The following COL16A1 variants were observed in gnomAD, a reference collection of about 807,000 sequenced individuals.
COL16A1 encodes collagen alpha-1(XVI) chain.
A neutral mutation model predicts 266.3 loss-of-function variants in COL16A1; 189 were observed. That is an observed-to-expected ratio of 0.71 (90% CI 0.63 to 0.80). COL16A1 has a LOEUF of 0.80. Among genes scored for constraint, COL16A1 ranks in the 30% least tolerant of loss-of-function variants. COL16A1 has a pLI of 0.00. For synonymous variants in COL16A1, 740 were observed against 782.3 expected (o/e 0.95, Z 0.90); for missense variants, 1,928 against 2,122.4 (o/e 0.91, Z 1.80).
In COL16A1 at chr1:31,664,514, C is replaced by G. The variant is rs989373222; in HGVS notation, c.3555+658G>C. Among the ~76,000 whole-genome samples, 1 of 152,204 alleles carries G rather than the reference C, an allele frequency of 6.6e-6. No individual in the cohort carries two copies. The highest frequency in any genetic ancestry group is 2.4e-5 in the African/African-American group (1 of 41,452). On this transcript the variant is annotated intron_variant, in intron 56 of 70. Transcript: ENST00000373672. This position sits in a 1 kb window ranked among gnomAD's most constrained non-coding sequence, Gnocchi z 5.5. ...ATCTTCGGGCTTCTTACACCACCCA[C>G]TCAGCACATCTAGGGAGCCCAGAGG... is the stretch of plus-strand genomic sequence containing the variant.
At chr1:31,682,913 T>A (rs1234106171) in intron 37 of COL16A1, 21 bp downstream of exon 37, 2 of 1,613,618 alleles carry the variant, frequency 1.2e-6, no homozygotes, top group Non-Finnish European at 1.7e-6. Flanking sequence ...ACCACCAGCA[T>A]GGAGCACAGA....
chr1:31,672,946 C>G (rs1444965521), intron 44 of COL16A1, 106 bp from the exon 45 acceptor site: 1 of 1,040,542 alleles, frequency 9.6e-7, no homozygotes, highest in South Asian at 1.4e-5. Flanking sequence ...CCTGCCCTGC[C>G]GTCTTCCCTC....
chr1:31,684,421 G>A (rs556414085), intron 31 of COL16A1, 102 bp downstream of exon 31: 19 of 1,528,042 alleles, frequency 1.2e-5, no homozygotes, highest in South Asian at 7.7e-5. Context: ...TCTGACAGCC[G>A]TTAAGGCCCC....
At chr1:31,653,794 CAG>C in intron 69 of COL16A1, 71 bp downstream of exon 69, 2 of 1,573,652 alleles carry the variant, frequency 1.3e-6, no homozygotes, top group Middle Eastern at 1.7e-4. Context: ...ATATTCACAA[CAG>C]ACCTCATGGA....
intron 64 of COL16A1, among the ~76,000 whole-genome samples, chr1:31,658,198 C>T (rs539939210): frequency 2.0e-5 from 3 of 152,328 alleles, no homozygotes; most frequent in East Asian, 1.9e-4. Context: ...GACAAGCTCC[C>T]CTGGGGAAGG....
rs575103057 is a variant in COL16A1, at chr1:31,667,415, C to CCT, written c.3357+158_3357+159dup. Among the ~76,000 whole-genome samples the CCT allele has an allele frequency of 2.8e-3, 419 of 152,290 alleles. 2 individuals carry two copies. Among genetic ancestry groups the CCT allele is most frequent in the Admixed American group, 5.0e-3 (76 of 15,310 alleles). On this transcript the variant is annotated intron_variant, in intron 52 of 70. Transcript: ENST00000373672. ...AGCCCTGCGGGGATTCTCCTCACAG[C>CCT]CTCCACCTCCACAGCACCCAGCCTG...
chr1:31,657,161 G>C lies in COL16A1; in HGVS notation c.4021-93C>G. The C allele has an allele frequency of 6.5e-7, 1 of 1,528,802 alleles. No individual in the cohort carries two copies. The highest frequency in any genetic ancestry group is 9.1e-7 in the Non-Finnish European group (1 of 1,104,326). 94.7% of individuals were successfully genotyped at this position (1,528,802 alleles called of 1,614,324 possible). ...GTACATGGGGCAAGCCCAGCCCCCT[G>C]TTCCACCCAGAGGCCACGATCCTCC... On this transcript the variant is annotated intron_variant, in intron 64 of 70. Coordinates refer to ENST00000373672, the MANE Select transcript of COL16A1 (RefSeq NM_001856.4). This position sits in a 1 kb window ranked among gnomAD's most constrained non-coding sequence, Gnocchi z 6.4.
At chr1:31,672,978 C>T (rs944323014) in intron 44 of COL16A1, 138 bp from the exon 45 acceptor site, 6 of 808,562 alleles carry the variant, frequency 7.4e-6, no homozygotes, top group Admixed American at 2.0e-5. Context: ...CCTCCCTCCC[C>T]AGCCGCATCC....
intron 42 of COL16A1, among the ~76,000 whole-genome samples, chr1:31,678,578 C>T (rs1451993448): frequency 6.6e-6 from 1 of 152,130 alleles, no homozygotes; most frequent in Non-Finnish European, 1.5e-5. Flanking sequence ...TTATGTAAGG[C>T]TCAAATGAAT....
At position 31,665,914 on chromosome 1, in the gene COL16A1, G is replaced by A. The variant is rs781606044; in HGVS notation, c.3424C>T (p.Pro1142Ser). ...GPAGPRGERG[P>S]QGNSGEKGDQ... ...CCCTTCTCACCGGAGTTACCTTGGG[G>A]TCCTCGCTCTCCTCTGGGACCCTGT... The change falls in exon 54 of 71, where the codon CCC becomes TCC. Residue 1142 changes from proline (P) to serine (S), a missense_variant. By Grantham distance (74) the Pro-to-Ser change is moderately conservative. This residue lies in a region of COL16A1 where 1,552 missense variants were observed against 1,637.2 expected (regional missense o/e 0.95). Coordinates refer to ENST00000373672, the MANE Select transcript of COL16A1 (RefSeq NM_001856.4). 8.7e-6 allele frequency: 14 copies of A among 1,613,992 alleles called. No individual in the cohort carries two copies. The highest frequency in any genetic ancestry group is 1.2e-5 in the Non-Finnish European group (14 of 1,180,016).
intron 26 of COL16A1, among the ~76,000 whole-genome samples, chr1:31,687,089 T>A (rs1202054562): frequency 2.6e-5 from 4 of 152,158 alleles, no homozygotes; most frequent in African/African-American, 9.7e-5. Flanking sequence ...CACATTAAAC[T>A]ACCGGGTGAA....
chr1:31,684,126 C>G lies in COL16A1; in HGVS notation c.2266G>C (p.Gly756Arg). 1.3e-6 allele frequency: 2 copies of G among 1,570,694 alleles called. No individual in the cohort carries two copies. Among genetic ancestry groups the G allele is most frequent in the Non-Finnish European group, 1.7e-6 (2 of 1,157,006 alleles). ...PKGEQGPEGV[G>R]RPGKPGQPGL... ...CAACTCACGGGTTTACCAGGTCGGC[C>G]CACGCCTTCGGGGCCCTGCTCTCCT... The change falls in exon 32 of 71, where the codon GGC (glycine) becomes CGC (arginine). Residue 756 changes from glycine (G) to arginine (R), a missense_variant. Transcript: ENST00000373672.
At chr1:31,691,313 G>A in intron 19 of COL16A1, 87 bp from the exon 20 acceptor site, 2 of 1,592,878 alleles carry the variant, frequency 1.3e-6, no homozygotes, top group Non-Finnish European at 8.5e-7. Context: ...CCTCCAGCCA[G>A]GATCCCTGGG....
At position 31,664,912 on chromosome 1, in the gene COL16A1, C is replaced by T. The variant is rs1363256627; in HGVS notation, c.3555+260G>A. Among the ~76,000 whole-genome samples, 2 of 152,130 alleles carry T rather than the reference C, an allele frequency of 1.3e-5. No individual in the cohort carries two copies. Among genetic ancestry groups the T allele is most frequent in the Non-Finnish European group, 2.9e-5 (2 of 68,018 alleles). Reference sequence around the variant, plus strand: ...CCTACCTCCCTGCCTTTCCCCCCATCACAGCAGACAAGGGCCTGGGCTGCA... The same window carrying T: ...CCTACCTCCCTGCCTTTCCCCCCATTACAGCAGACAAGGGCCTGGGCTGCA... On this transcript the variant is annotated intron_variant, in intron 56 of 70. Transcript: ENST00000373672. The surrounding 1 kb of genome is among the most constrained non-coding windows in gnomAD (Gnocchi z 5.5).
intron 16 of COL16A1, 111 bp from the exon 17 acceptor site, chr1:31,692,178 C>A: frequency 6.6e-7 from 1 of 1,524,854 alleles, no homozygotes. Flanking sequence ...CTCTGTCTCC[C>A]CTGAGGGTGA....
intron 67 of COL16A1, 110 bp from the exon 68 acceptor site, chr1:31,654,968 A>ATTTT: frequency 2.3e-6 from 1 of 435,866 alleles, no homozygotes; most frequent in Non-Finnish European, 3.4e-6. Flanking sequence ...CCTCCCACAG[A>ATTTT]TTCTTTTTTT....
intron 23 of COL16A1, 139 bp from the exon 24 acceptor site, chr1:31,689,224 ACCCCAG>A (rs1327119661): frequency 7.2e-7 from 1 of 1,380,532 alleles, no homozygotes; most frequent in Non-Finnish European, 9.8e-7. Flanking sequence ...CAAGGCCAGC[ACCCCAG>A]AGGCAGGGTT....
At position 31,692,047 on chromosome 1, in the gene COL16A1, G is replaced by C; in HGVS notation, c.1215C>G (p.Gly405=). The change falls in exon 17 of 71, where the codon GGC becomes GGG. Residue 405 remains glycine, a synonymous_variant. Transcript: ENST00000373672. ...TGEKGQKGEK[G]DGGIKGVPGK... ...CCGGCACGCCCTTGATGCCTCCGTC[G>C]CCCTTCTCGCCTTTCTGGCCCTGGG... 1 of 1,613,768 alleles carries C rather than the reference G, an allele frequency of 6.2e-7. No homozygotes were observed. The highest frequency in any genetic ancestry group is 1.1e-5 in the South Asian group (1 of 91,078).
intron 55 of COL16A1, 56 bp downstream of exon 55, chr1:31,665,527 G>T: frequency 1.2e-6 from 2 of 1,613,686 alleles, no homozygotes; most frequent in East Asian, 4.5e-5. Context: ...GGTCAGGCCT[G>T]CCCCTCCCGA....
Sources: gnomAD v4.1 joint callset for allele counts (sites outside exome capture counted in the v4.1 genomes callset) on GRCh38, gnomAD v4.1.1 for gene constraint, gnomAD v4.1.1 regional missense constraint, Gnocchi (gnomAD v3.1) non-coding constraint, MANE v1.5 for transcripts, NCBI Gene and HGNC (gene_info 2026-07-23, HGNC 2026-07-21) for gene names.